SH3RF3: variants seen among roughly 807,000 people sequenced by gnomAD.
SH3RF3 encodes E3 ubiquitin-protein ligase SH3RF3.
In SH3RF3, 29 loss-of-function variants were observed where a neutral mutation model predicts 66.3. The observed-to-expected ratio is 0.44, with a 90% confidence interval of 0.33 to 0.60. The LOEUF (loss-of-function observed/expected upper bound fraction) is 0.60. Ranked by LOEUF, SH3RF3 falls within the 20% of genes least tolerant of loss-of-function variation. The pLI is 0.04. For synonymous variants in SH3RF3, 583 were observed against 532.0 expected (o/e 1.10, Z -1.32); for missense variants, 1,194 against 1,190.9 (o/e 1.00, Z -0.04).
intron 1 of SH3RF3, among the ~76,000 whole-genome samples, chr2:109,267,166 G>T (rs1257487937): frequency 1.3e-5 from 2 of 152,134 alleles, no homozygotes. Flanking sequence ...CTTCCGATCG[G>T]TGATTTCCCC....
intron 1 of SH3RF3, among the ~76,000 whole-genome samples, chr2:109,207,583 T>C (rs752631868): frequency 2.0e-5 from 3 of 152,228 alleles, no homozygotes; most frequent in East Asian, 1.9e-4. Context: ...TATTAAGATA[T>C]TGAAATTGTG....
chr2:109,302,711 C>T (rs918298558), intron 1 of SH3RF3, among the ~76,000 whole-genome samples: 1 of 152,082 alleles, frequency 6.6e-6, no homozygotes, highest in South Asian at 2.1e-4. Context: ...TCCCGGGAGA[C>T]AAGGCATCAT....
intron 9 of SH3RF3, among the ~76,000 whole-genome samples, chr2:109,491,766 G>A (rs1262032886): frequency 1.3e-5 from 2 of 152,188 alleles, no homozygotes; most frequent in East Asian, 3.9e-4. Flanking sequence ...CCTACACATT[G>A]TAACATTGCT....
chr2:109,169,777 C>A (rs927097663), intron 1 of SH3RF3, among the ~76,000 whole-genome samples: 1 of 151,462 alleles, frequency 6.6e-6, no homozygotes, highest in African/African-American at 2.4e-5. Flanking sequence ...CACACATGAC[C>A]CCCCAAAATC....
chr2:109,326,652 A>G (rs564055506), intron 1 of SH3RF3, among the ~76,000 whole-genome samples: 6 of 152,298 alleles, frequency 3.9e-5, no homozygotes, highest in Non-Finnish European at 7.3e-5. Context: ...AGCCTTTTCT[A>G]CAATGCCTGT....
intron 1 of SH3RF3, among the ~76,000 whole-genome samples, chr2:109,244,373 C>T (rs924635492): frequency 2.6e-5 from 4 of 152,164 alleles, no homozygotes; most frequent in African/African-American, 9.7e-5. Flanking sequence ...ATATAAACCT[C>T]AGGTGGTATT....
chr2:109,289,691 C>A (rs1681118373), intron 1 of SH3RF3, among the ~76,000 whole-genome samples: 1 of 152,066 alleles, frequency 6.6e-6, no homozygotes, highest in Admixed American at 6.6e-5. Context: ...CACTTCATAG[C>A]ATAGAAGATG....
intron 1 of SH3RF3, among the ~76,000 whole-genome samples, chr2:109,131,586 GA>G (rs1676697583): frequency 6.6e-6 from 1 of 152,134 alleles, no homozygotes; most frequent in East Asian, 1.9e-4. Flanking sequence ...TATCTTGGGG[GA>G]CTTTGTGTTT....
intron 4 of SH3RF3, among the ~76,000 whole-genome samples, chr2:109,407,803 G>A (rs1007458371): frequency 2.0e-5 from 3 of 152,208 alleles, no homozygotes; most frequent in Non-Finnish European, 4.4e-5. Context: ...CTACAAATCT[G>A]GAAATAGCTG....
chr2:109,289,039 G>A (rs564942784), intron 1 of SH3RF3, among the ~76,000 whole-genome samples: 8 of 152,288 alleles, frequency 5.3e-5, no homozygotes, highest in South Asian at 2.1e-4. Context: ...ACTAACATTC[G>A]TTTGTCAACT....
chr2:109,306,654 C>T (rs1053885154), intron 1 of SH3RF3, among the ~76,000 whole-genome samples: 1 of 152,210 alleles, frequency 6.6e-6, no homozygotes, highest in Non-Finnish European at 1.5e-5. Flanking sequence ...TGTTAGCAGT[C>T]GGTGGACCCC....
chr2:109,382,543 C>T lies in SH3RF3; in HGVS notation c.945+10862C>T, dbSNP rs528543946. On this transcript the variant is annotated intron_variant, in intron 3 of 9. Coordinates refer to ENST00000309415, the MANE Select transcript of SH3RF3 (RefSeq NM_001099289.3). ...CCGTCTTGCAGCTGTGTCCCCAGGC[C>T]TCAGCAATCTTAAAACAGCCCCTCT... 1.2e-3 allele frequency among the ~76,000 whole-genome samples: 184 copies of T among 152,214 alleles called. 1 individual carries two copies. Among genetic ancestry groups the T allele is most frequent in the African/African-American group, 4.2e-3 (174 of 41,528 alleles).
At chr2:109,491,612 TG>T (rs918298848) in intron 9 of SH3RF3, among the ~76,000 whole-genome samples, 3 of 152,178 alleles carry the variant, frequency 2.0e-5, no homozygotes, top group Non-Finnish European at 4.4e-5. Context: ...GGGTTTCACC[TG>T]GGGCTAGAGG....
At chr2:109,280,555 A>G (rs1680857726) in intron 1 of SH3RF3, among the ~76,000 whole-genome samples, 2 of 152,226 alleles carry the variant, frequency 1.3e-5, no homozygotes. Context: ...TCATTGAAAT[A>G]TGGGGTTTCA....
chr2:109,170,294 CTTCTCTTCTCTTCTCT>C (rs1677742861), intron 1 of SH3RF3, among the ~76,000 whole-genome samples: 2 of 129,132 alleles, frequency 1.5e-5, no homozygotes, highest in East Asian at 2.6e-4. Flanking sequence ...CTTCTCTTCT[CTTCTCTTCTCTTCTCT>C]TCTCTCCTCT....
chr2:109,405,650 C>T (rs1050045870), intron 4 of SH3RF3, among the ~76,000 whole-genome samples: 3 of 152,238 alleles, frequency 2.0e-5, no homozygotes, highest in African/African-American at 4.8e-5. Flanking sequence ...GGCTCCTGCC[C>T]GCCCTTCCAG....
intron 8 of SH3RF3, among the ~76,000 whole-genome samples, chr2:109,472,053 A>G (rs1678529246): frequency 6.6e-6 from 1 of 152,202 alleles, no homozygotes; most frequent in South Asian, 2.1e-4. Context: ...CTGGATTCTG[A>G]CATCTCAGCT....
rs528336114 is a variant in SH3RF3 at position 109,137,253 on chromosome 2, A to T, written c.573+7140A>T. ...CTCACCTCTTTTTGTTTATTCTTCCATAGTCTAGATTTGCCAAATGAAGGC... is the reference window on the plus strand; with the variant it reads ...CTCACCTCTTTTTGTTTATTCTTCCTTAGTCTAGATTTGCCAAATGAAGGC... On this transcript the variant is annotated intron_variant, in intron 1 of 9. Transcript: ENST00000309415. Among the ~76,000 whole-genome samples, 6 of 152,244 alleles carry T rather than the reference A, an allele frequency of 3.9e-5. No homozygotes were observed. In the South Asian group the frequency reaches 1.2e-3, roughly 32 times the overall value.
At chr2:109,445,485 G>T (rs1573257461) in intron 7 of SH3RF3, among the ~76,000 whole-genome samples, 1 of 152,160 alleles carries the variant, frequency 6.6e-6, no homozygotes, top group Non-Finnish European at 1.5e-5. Flanking sequence ...ATAAGAAAGA[G>T]CCAGTGTACA....
Sources: allele counts gnomAD v4.1 joint callset (sites outside exome capture counted in the v4.1 genomes callset), GRCh38; gene constraint gnomAD v4.1.1; transcripts MANE v1.5; gene names NCBI Gene and HGNC (gene_info 2026-07-23, HGNC 2026-07-21).